Variants in HMGXB3 observed in about 807,000 individuals in gnomAD.
The protein encoded by HMGXB3 is HMG domain-containing protein 3.
Under a neutral mutation model 121.5 loss-of-function variants are expected in HMGXB3, and 45 were observed. The observed-to-expected ratio is 0.37, with a 90% CI of 0.29 to 0.47. The LOEUF is 0.47. Among genes scored for constraint, HMGXB3 ranks in the 20% least tolerant of loss-of-function variants. The probability of loss-of-function intolerance (pLI) is 0.99; values close to 1 mark genes in which losing one functional copy is unlikely to be tolerated. For synonymous variants in HMGXB3, 590 were observed against 624.1 expected (o/e 0.95, Z 0.81); for missense variants, 1,376 against 1,602.2 (o/e 0.86, Z 2.41).
intron 5 of HMGXB3, among the ~76,000 whole-genome samples, chr5:150,018,224 C>T (rs574873366): frequency 1.1e-4 from 17 of 152,284 alleles, no homozygotes; most frequent in Admixed American, 7.2e-4. Context: ...AGTAATAATA[C>T]GTACTTAATA....
intron 1 of HMGXB3, among the ~76,000 whole-genome samples, chr5:150,002,127 G>T (rs1177796944): frequency 6.6e-6 from 1 of 152,216 alleles, no homozygotes; most frequent in Non-Finnish European, 1.5e-5. Flanking sequence ...GAATCATTTA[G>T]AGATGACAGA....
Position 150,051,726 on chromosome 5 carries a change from G to T in HMGXB3, c.3413G>T (p.Ser1138Ile). The change falls in exon 20 of 20, where the codon AGT becomes ATT. Residue 1138 changes from serine to isoleucine, a missense_variant and splice_region_variant. This residue lies in a region of HMGXB3 where 260 missense variants were observed against 233.2 expected (regional missense o/e 1.11). Transcript: ENST00000502717. ...CFSSPTEPPV[S>I]VSCPELLDQH... is the part of the protein sequence containing the mutation. Reference sequence around the variant, plus strand: ...AATGCATTCTCATTTCTCTTCTAGAGTGTGTCCTGCCCAGAGCTCTTGGAC... The same window carrying T: ...AATGCATTCTCATTTCTCTTCTAGATTGTGTCCTGCCCAGAGCTCTTGGAC... The T allele has an allele frequency of 1.3e-6, 2 of 1,518,662 alleles. No homozygotes were observed. Among genetic ancestry groups the T allele is most frequent in the Non-Finnish European group, 1.8e-6 (2 of 1,132,002 alleles). The allele number at this position is 1,518,662 out of a possible 1,614,324, so 94.1% of individuals were successfully genotyped here. A position where few individuals can be genotyped will look rare whatever the true frequency, so the allele number is the denominator to read the frequency against.
intron 6 of HMGXB3, chr5:150,022,018 C>T (rs147419515): frequency 2.5e-5 from 9 of 362,004 alleles, no homozygotes; most frequent in Admixed American, 3.4e-5. Flanking sequence ...ACCGCAGCTC[C>T]GCACCACCTA....
Position 150,040,853 on chromosome 5 carries a change from T to C in HMGXB3, c.2519T>C (p.Val840Ala). 2 of 1,550,996 alleles carry C rather than the reference T, an allele frequency of 1.3e-6. No homozygotes were observed. Among genetic ancestry groups the C allele is most frequent in the Non-Finnish European group, 1.7e-6 (2 of 1,146,712 alleles). The change falls in exon 14 of 20, where the codon GTT (valine) becomes GCT (alanine). Residue 840 changes from valine to alanine, a missense_variant. Physicochemically the swap from Val to Ala is moderately conservative, Grantham distance 64. Around this residue, in one of 2 missense-constraint regions of HMGXB3, gnomAD observed 1,116 missense variants for 1,369.0 expected, o/e 0.82. Transcript: ENST00000502717. ...GEDPRVSINV[V>A]LKSVQEQTEK... Reference sequence around the variant, plus strand: ...GACCCCAGAGTGTCCATCAATGTTGTTCTGAAGTCGGTGCAGGAGCAGACA... The same window carrying C: ...GACCCCAGAGTGTCCATCAATGTTGCTCTGAAGTCGGTGCAGGAGCAGACA...
chr5:150,006,760 T>C (rs1755713688), intron 3 of HMGXB3, 113 bp downstream of exon 3: 8 of 907,872 alleles, frequency 8.8e-6, no homozygotes, highest in Middle Eastern at 3.5e-4. Flanking sequence ...AGTTTCATCG[T>C]TTTATCCTTC....
chr5:150,036,777 G>T lies in HMGXB3; in HGVS notation c.2125G>T (p.Val709Phe). The T allele has an allele frequency of 6.4e-7, 1 of 1,551,736 alleles. No homozygotes were observed. Among genetic ancestry groups the T allele is most frequent in the Non-Finnish European group, 8.7e-7 (1 of 1,147,012 alleles). Reference protein sequence around the residue: ...IPENESELAEVFALIHELNSS... With the variant: ...IPENESELAEFFALIHELNSS... ...TGAGAATGAGTCAGAGCTGGCTGAG[G>T]TCTTCGCCTTGATTCATGAACTCAA... The change falls in exon 12 of 20, where the codon GTC becomes TTC. Residue 709 changes from valine (V) to phenylalanine (F), a missense_variant. Coordinates refer to ENST00000502717, the MANE Select transcript of HMGXB3 (RefSeq NM_014983.3).
intron 11 of HMGXB3, 38 bp downstream of exon 11, chr5:150,032,641 C>G (rs375390715): frequency 1.2e-5 from 18 of 1,549,730 alleles, no homozygotes; most frequent in Non-Finnish European, 1.5e-5. Flanking sequence ...CTGGCCTGTT[C>G]TGGGCTCTGT....
intron 3 of HMGXB3, among the ~76,000 whole-genome samples, chr5:150,009,711 A>G (rs992272390): frequency 1.3e-5 from 2 of 152,356 alleles, no homozygotes; most frequent in African/African-American, 2.4e-5. Context: ...AGAGCTCAAA[A>G]GGAACTCATA....
chr5:150,003,109 C>G lies in HMGXB3; in HGVS notation c.-2-1742C>G, dbSNP rs575527556. Among the ~76,000 whole-genome samples, 60 of 152,248 alleles carry G rather than the reference C, an allele frequency of 3.9e-4. No individual in the cohort carries two copies. The Middle Eastern group carries it at 0.01, about 26-fold the overall frequency. On this transcript the variant is annotated intron_variant, in intron 1 of 19. Transcript: ENST00000502717. ...AGTGAGACAGGATCTCATCACTGCA[C>G]TGCAGCCCAGGGGACAGAGTGAGAC...
intron 3 of HMGXB3, among the ~76,000 whole-genome samples, chr5:150,008,094 C>CACATACACACAT (rs1554097365): frequency 6.8e-6 from 1 of 147,620 alleles, no homozygotes; most frequent in Non-Finnish European, 1.5e-5. Context: ...CACACACACA[C>CACATACACACAT]ACACAAATCA....
intron 15 of HMGXB3, among the ~76,000 whole-genome samples, chr5:150,042,656 C>T (rs531547725): frequency 2.6e-5 from 4 of 151,964 alleles, no homozygotes; most frequent in East Asian, 1.9e-4. Flanking sequence ...TGCAGGAGGC[C>T]GACGCTATGT....
At chr5:150,039,019 A>G (rs955408531) in intron 13 of HMGXB3, among the ~76,000 whole-genome samples, 1 of 152,248 alleles carries the variant, frequency 6.6e-6, no homozygotes, top group African/African-American at 2.4e-5. Flanking sequence ...AGAAAACTGC[A>G]TTACCAAAGT....
At chr5:150,025,316 G>A (rs984359364) in intron 7 of HMGXB3, among the ~76,000 whole-genome samples, 1 of 152,162 alleles carries the variant, frequency 6.6e-6, no homozygotes, top group African/African-American at 2.4e-5. Flanking sequence ...CCCTGAGGAA[G>A]TTGTGTTCTT....
intron 17 of HMGXB3, among the ~76,000 whole-genome samples, chr5:150,047,980 G>A (rs7715409): frequency 0.26 from 39,432 of 152,196 alleles, 8,577 homozygotes; most frequent in African/African-American, 0.59. Context: ...AGGCTCTGGG[G>A]TCAGGAATCC....
chr5:150,043,593 A>G (rs1358725346), intron 15 of HMGXB3, among the ~76,000 whole-genome samples: 1 of 152,220 alleles, frequency 6.6e-6, no homozygotes, highest in Non-Finnish European at 1.5e-5. Context: ...TGTTTGTGTT[A>G]TCTCATCTAG....
intron 14 of HMGXB3, 66 bp from the exon 15 acceptor site, chr5:150,041,719 G>A: frequency 8.3e-7 from 1 of 1,205,362 alleles, no homozygotes; most frequent in Admixed American, 2.0e-5. Context: ...ACTACCCACT[G>A]GCTCATCCCT....
intron 5 of HMGXB3, among the ~76,000 whole-genome samples, chr5:150,013,354 G>A (rs1431022445): frequency 6.6e-6 from 1 of 152,130 alleles, no homozygotes; most frequent in Admixed American, 6.5e-5. Context: ...GAATTTTCCG[G>A]AAGTTGGTTA....
At chr5:150,050,194 C>T in intron 18 of HMGXB3, 58 bp from the exon 19 acceptor site, 6 of 1,403,400 alleles carry the variant, frequency 4.3e-6, no homozygotes, top group Non-Finnish European at 5.9e-6. Context: ...GAGAACTGTA[C>T]ACTCTCTGCA....
At chr5:150,046,529 G>A (rs1756758469) in intron 16 of HMGXB3, among the ~76,000 whole-genome samples, 1 of 152,176 alleles carries the variant, frequency 6.6e-6, no homozygotes, top group Admixed American at 6.5e-5. Context: ...ATTAGATATT[G>A]AGGCTGGGCA....
Sources: gnomAD v4.1 joint callset for allele counts (sites outside exome capture counted in the v4.1 genomes callset) on GRCh38, gnomAD v4.1.1 for gene constraint, gnomAD v4.1.1 regional missense constraint, MANE v1.5 for transcripts, NCBI Gene and HGNC (gene_info 2026-07-23, HGNC 2026-07-21) for gene names.